Variants in ANXA3 observed in about 807,000 individuals in gnomAD.
ANXA3 encodes the protein 35-alpha calcimedin.
ANXA3 carries 46 observed loss-of-function variants against 48.8 expected under a neutral mutation model. That is an observed-to-expected ratio of 0.94 (90% CI 0.74 to 1.21). The LOEUF (loss-of-function observed/expected upper bound fraction) is 1.21, where lower values mean the gene tolerates loss of function less well. ANXA3 is among the 50% of genes most tolerant of loss of function. The pLI is 0.00. For missense variants in ANXA3, 383 were observed against 378.6 expected (o/e 1.01, Z -0.10); for synonymous variants, 128 against 134.7 (o/e 0.95, Z 0.35).
intron 12 of ANXA3, among the ~76,000 whole-genome samples, chr4:78,605,218 G>A (rs1723622572): frequency 6.6e-6 from 1 of 152,122 alleles, no homozygotes; most frequent in African/African-American, 2.4e-5. Context: ...ATACATTGTA[G>A]CCTAGAACTC....
chr4:78,596,463 A>G (rs1416293749), intron 9 of ANXA3, among the ~76,000 whole-genome samples: 1 of 152,170 alleles, frequency 6.6e-6, no homozygotes, highest in African/African-American at 2.4e-5. Context: ...CTAAACCTTC[A>G]TTTACTGTGA....
chr4:78,565,924 T>C (rs1722720423), intron 2 of ANXA3, among the ~76,000 whole-genome samples: 1 of 152,132 alleles, frequency 6.6e-6, no homozygotes, highest in South Asian at 2.1e-4. Flanking sequence ...TGCTCAGAAC[T>C]GAAGTCTGGG....
At position 78,569,814 on chromosome 4, in the gene ANXA3, T is replaced by TCACC. The variant is rs532992503; in HGVS notation, c.16-3364_16-3363insCCCA. On this transcript the variant is annotated intron_variant, in intron 2 of 12. Coordinates refer to ENST00000264908, the MANE Select transcript of ANXA3 (RefSeq NM_005139.3). ...TGACATAGAGCAGGGGGCATTTTAG[T>TCACC]CATAAGGTGATGGGTTTGAGTCCTG... Among the ~76,000 whole-genome samples the TCACC allele has an allele frequency of 3.5e-3, 526 of 152,248 alleles. 2 individuals carry two copies. The highest frequency in any genetic ancestry group is 0.024 in the Middle Eastern group (7 of 294).
chr4:78,587,218 C>T (rs1874487), intron 6 of ANXA3, among the ~76,000 whole-genome samples: 90,118 of 152,032 alleles, frequency 0.59, 28,452 homozygotes, highest in East Asian at 0.87. Context: ...ATTGGGGTTT[C>T]GTTATATAAG....
chr4:78,572,516 G>T (rs369811916), intron 2 of ANXA3, among the ~76,000 whole-genome samples: 9 of 152,278 alleles, frequency 5.9e-5, no homozygotes, highest in East Asian at 3.9e-4. Context: ...AAAATGGAGG[G>T]CAGGGGGCTA....
At chr4:78,575,891 T>G (rs893888527) in intron 3 of ANXA3, among the ~76,000 whole-genome samples, 11 of 152,314 alleles carry the variant, frequency 7.2e-5, no homozygotes, top group African/African-American at 2.4e-4. Context: ...GGAATTAGTG[T>G]TCATGGATGG....
chr4:78,563,632 G>C (rs1006761965), intron 2 of ANXA3, among the ~76,000 whole-genome samples: 27 of 152,086 alleles, frequency 1.8e-4, no homozygotes, highest in African/African-American at 6.5e-4. Flanking sequence ...TGGAATTTTA[G>C]CCTCCAGAAT....
At chr4:78,565,264 G>A (rs72873352) in intron 2 of ANXA3, among the ~76,000 whole-genome samples, 2,822 of 152,256 alleles carry the variant, frequency 0.019, 31 homozygotes, top group African/African-American at 0.03. Context: ...TTACAGGTGT[G>A]AGTCACCCCA....
intron 2 of ANXA3, among the ~76,000 whole-genome samples, chr4:78,567,601 C>A (rs1399870611): frequency 1.3e-5 from 2 of 152,036 alleles, no homozygotes; most frequent in Non-Finnish European, 2.9e-5. Flanking sequence ...TTTTTTGTAA[C>A]AAGACAATAG....
At chr4:78,570,621 A>G (rs1330385921) in intron 2 of ANXA3, among the ~76,000 whole-genome samples, 5 of 152,228 alleles carry the variant, frequency 3.3e-5, no homozygotes, top group Non-Finnish European at 7.3e-5. Flanking sequence ...GGAATAGTCT[A>G]GTTTGCTTTT....
intron 2 of ANXA3, among the ~76,000 whole-genome samples, chr4:78,567,508 A>T (rs1022378460): frequency 3.3e-5 from 5 of 152,252 alleles, no homozygotes. Context: ...TTGAGTATAC[A>T]TGGAGACACC....
chr4:78,601,414 A>G, intron 10 of ANXA3, 96 bp from the exon 11 acceptor site: 2 of 1,137,278 alleles, frequency 1.8e-6, no homozygotes, highest in East Asian at 2.5e-5. Flanking sequence ...GAGTGGTATG[A>G]CAGTCCAAAG....
chr4:78,606,580 C>CCA lies in ANXA3; in HGVS notation c.912+2184_912+2185dup, dbSNP rs1160275475. ...GGTCCAACCTTCGCTATGGCCCTACCCACAATAGCCACCCTTGAACAGGCA... is the reference window on the plus strand; with the variant it reads ...GGTCCAACCTTCGCTATGGCCCTACCCACACAATAGCCACCCTTGAACAGGCA... On this transcript the variant is annotated intron_variant, in intron 12 of 12. Coordinates refer to ENST00000264908, the MANE Select transcript of ANXA3 (RefSeq NM_005139.3). Among the ~76,000 whole-genome samples the CCA allele has an allele frequency of 3.9e-5, 6 of 152,238 alleles. No homozygotes were observed. In the East Asian group the frequency reaches 1.2e-3, roughly 29 times the overall value.
chr4:78,576,505 C>T (rs1269710271), intron 3 of ANXA3, among the ~76,000 whole-genome samples: 2 of 152,100 alleles, frequency 1.3e-5, no homozygotes, highest in Admixed American at 6.6e-5. Flanking sequence ...CTATGTTGCC[C>T]ACGCTAGTCT....
chr4:78,598,051 C>G (rs1230477036), intron 10 of ANXA3, among the ~76,000 whole-genome samples: 2 of 152,044 alleles, frequency 1.3e-5, no homozygotes, highest in East Asian at 1.9e-4. Context: ...GAGACGTAGG[C>G]AAAGCACAGT....
At chr4:78,564,984 G>A (rs1722700583) in intron 2 of ANXA3, among the ~76,000 whole-genome samples, 1 of 142,586 alleles carries the variant, frequency 7.0e-6, no homozygotes, top group Non-Finnish European at 1.5e-5. Context: ...GACAAGATCT[G>A]ACTTAGATTT....
chr4:78,588,795 T>C (rs1723230212), intron 6 of ANXA3, among the ~76,000 whole-genome samples: 1 of 152,188 alleles, frequency 6.6e-6, no homozygotes, highest in Non-Finnish European at 1.5e-5. Context: ...CAGTCCCCTC[T>C]ACTCCCCAGT....
intron 12 of ANXA3, 123 bp downstream of exon 12, chr4:78,604,522 A>G (rs1723609194): frequency 6.2e-6 from 5 of 801,566 alleles, no homozygotes; most frequent in Non-Finnish European, 9.1e-6. Flanking sequence ...CAATGTATAA[A>G]TGTGTTGTCT....
chr4:78,574,971 C>T (rs1196890921), intron 3 of ANXA3, among the ~76,000 whole-genome samples: 1 of 152,142 alleles, frequency 6.6e-6, no homozygotes, highest in Non-Finnish European at 1.5e-5. Context: ...ATTAGCATTC[C>T]TTTCAGCAAT....
Sources: gnomAD v4.1 joint callset for allele counts (sites outside exome capture counted in the v4.1 genomes callset) on GRCh38, gnomAD v4.1.1 for gene constraint, MANE v1.5 for transcripts, NCBI Gene and HGNC (gene_info 2026-07-23, HGNC 2026-07-21) for gene names.